NTM: variants seen among roughly 807,000 people sequenced by gnomAD.
NTM encodes the protein IgLON family member 2.
NTM carries 13 observed loss-of-function variants against 42.1 expected under a neutral mutation model. The observed-to-expected ratio is 0.31, with a 90% CI of 0.20 to 0.49. The LOEUF is 0.49. Among genes scored for constraint, NTM ranks in the 20% least tolerant of loss-of-function variants. The pLI is 0.99. For missense variants in NTM, 373 were observed against 452.8 expected (o/e 0.82, Z 1.60); for synonymous variants, 187 against 179.2 (o/e 1.04, Z -0.35).
intron 1 of NTM, among the ~76,000 whole-genome samples, chr11:131,751,829 T>C (rs1205255685): frequency 6.6e-6 from 1 of 150,716 alleles, no homozygotes; most frequent in Non-Finnish European, 1.5e-5. Flanking sequence ...TGTGTTTGTT[T>C]AACATCTGCC....
At chr11:131,709,669 A>G (rs1383515949) in intron 1 of NTM, among the ~76,000 whole-genome samples, 2 of 152,222 alleles carry the variant, frequency 1.3e-5, no homozygotes, top group Non-Finnish European at 2.9e-5. Context: ...TTGACTAGAC[A>G]GTTGCAGCTT....
At chr11:131,723,710 G>A (rs1490929216) in intron 1 of NTM, among the ~76,000 whole-genome samples, 1 of 152,116 alleles carries the variant, frequency 6.6e-6, no homozygotes, top group Non-Finnish European at 1.5e-5. Context: ...AATATAACTA[G>A]ATAGTTTGCT....
intron 4 of NTM, among the ~76,000 whole-genome samples, chr11:132,237,029 C>A (rs1592426197): frequency 6.6e-6 from 1 of 151,912 alleles, no homozygotes; most frequent in Non-Finnish European, 1.5e-5. Context: ...CACGATCTGG[C>A]CAGAAACCTC....
At chr11:131,880,599 A>G (rs2049308340) in intron 1 of NTM, among the ~76,000 whole-genome samples, 1 of 152,190 alleles carries the variant, frequency 6.6e-6, no homozygotes, top group Non-Finnish European at 1.5e-5. Flanking sequence ...AAGCATGATA[A>G]AGGCATTGGA....
At chr11:131,875,903 C>T (rs2048468984) in intron 1 of NTM, among the ~76,000 whole-genome samples, 1 of 152,184 alleles carries the variant, frequency 6.6e-6, no homozygotes, top group South Asian at 2.1e-4. Flanking sequence ...GCAGCAGTGG[C>T]ATCCTGAAGG....
At position 131,570,765 on chromosome 11, in the gene NTM, G is replaced by C. The variant is rs565873571; in HGVS notation, c.82+199877G>C. Among the ~76,000 whole-genome samples the C allele has an allele frequency of 6.6e-5, 10 of 152,356 alleles. No homozygotes were observed. In the South Asian group the frequency reaches 2.1e-3, roughly 32 times the overall value. ...TTGAACCCAGGAGGCAGGTGTTGCA[G>C]TGAGCCAAGATGGCGCCACTGCACT... On this transcript the variant is annotated intron_variant, in intron 1 of 8. Coordinates refer to ENST00000683400, the MANE Select transcript of NTM (RefSeq NM_001352005.2).
chr11:132,039,995 G>A (rs983048501), intron 2 of NTM, among the ~76,000 whole-genome samples: 7 of 152,060 alleles, frequency 4.6e-5, no homozygotes, highest in African/African-American at 1.7e-4. Context: ...CGTGATCTTG[G>A]CTCACTGCAG....
chr11:131,554,502 T>A (rs1196411765), intron 1 of NTM, among the ~76,000 whole-genome samples: 1 of 148,926 alleles, frequency 6.7e-6, no homozygotes, highest in Non-Finnish European at 1.5e-5. Context: ...TTTCTTTATA[T>A]ATAAAGGTCA....
intron 2 of NTM, among the ~76,000 whole-genome samples, chr11:132,051,667 C>G (rs1180160653): frequency 1.3e-5 from 2 of 152,200 alleles, no homozygotes; most frequent in Non-Finnish European, 2.9e-5. Context: ...CAAGAGCCCC[C>G]TCCTCCCCAG....
At chr11:132,178,526 A>G (rs1461341726) in intron 3 of NTM, among the ~76,000 whole-genome samples, 2 of 152,270 alleles carry the variant, frequency 1.3e-5, no homozygotes, top group Non-Finnish European at 2.9e-5. Flanking sequence ...TCATTATAAG[A>G]TTCCTCAAAT....
intron 1 of NTM, among the ~76,000 whole-genome samples, chr11:131,500,578 T>TACATATATATATATATATATATA (rs1491209927): frequency 0.017 from 26 of 1,548 alleles, no homozygotes; most frequent in Non-Finnish European, 0.031. Flanking sequence ...TATATATATA[T>TACATATATATATATATATATATA]TTTTTTTTTT....
intron 1 of NTM, among the ~76,000 whole-genome samples, chr11:131,631,887 C>G (rs1455197758): frequency 1.3e-5 from 2 of 152,072 alleles, no homozygotes; most frequent in Non-Finnish European, 2.9e-5. Context: ...TTGAATGTTA[C>G]CTTGGAGAAG....
At chr11:131,636,018 A>G (rs533578003) in intron 1 of NTM, among the ~76,000 whole-genome samples, 1 of 152,348 alleles carries the variant, frequency 6.6e-6, no homozygotes, top group South Asian at 2.1e-4. Context: ...AGGTTCGTGT[A>G]AGTGCTCTAT....
intron 1 of NTM, among the ~76,000 whole-genome samples, chr11:131,376,573 G>A (rs1591498423): frequency 2.6e-5 from 4 of 152,054 alleles, no homozygotes; most frequent in East Asian, 1.9e-4. Context: ...GGAGAAGAGC[G>A]TATTTCAAGA....
At chr11:131,639,280 TTTTG>T (rs149872889) in intron 1 of NTM, among the ~76,000 whole-genome samples, 26,892 of 152,166 alleles carry the variant, frequency 0.18, 2,630 homozygotes, top group South Asian at 0.23. Context: ...TGGATCTGTT[TTTTG>T]TTTGTTTTTC....
At chr11:131,405,347 A>C (rs72472261) in intron 1 of NTM, among the ~76,000 whole-genome samples, 1 of 152,186 alleles carries the variant, frequency 6.6e-6, no homozygotes, top group Non-Finnish European at 1.5e-5. Flanking sequence ...ATTGTAGTCC[A>C]ACTATCTTCT....
intron 1 of NTM, among the ~76,000 whole-genome samples, chr11:131,761,677 C>T (rs544418356): frequency 2.4e-4 from 36 of 152,022 alleles, no homozygotes; most frequent in Non-Finnish European, 4.4e-4. Flanking sequence ...GGCGTGGTGG[C>T]GCATCCCTGT....
At chr11:131,386,193 A>T (rs1275772193) in intron 1 of NTM, among the ~76,000 whole-genome samples, 1 of 152,208 alleles carries the variant, frequency 6.6e-6, no homozygotes, top group Non-Finnish European at 1.5e-5. Flanking sequence ...TGAAACCATT[A>T]TGCTAAGTGA....
At chr11:131,469,919 A>G (rs1952270735) in intron 1 of NTM, among the ~76,000 whole-genome samples, 1 of 152,200 alleles carries the variant, frequency 6.6e-6, no homozygotes, top group Non-Finnish European at 1.5e-5. Flanking sequence ...TGATATTCTA[A>G]AGTCTAATTT....
Sources: gnomAD v4.1 joint callset for allele counts (sites outside exome capture counted in the v4.1 genomes callset) on GRCh38, gnomAD v4.1.1 for gene constraint, MANE v1.5 for transcripts, NCBI Gene and HGNC (gene_info 2026-07-23, HGNC 2026-07-21) for gene names.